Variants in SMC2 observed in about 807,000 individuals in gnomAD.
The protein encoded by SMC2 is structural maintenance of chromosomes 2.
SMC2 carries 41 observed loss-of-function variants against 142.6 expected under a neutral mutation model. That is an observed-to-expected ratio of 0.29 (90% CI 0.22 to 0.37). The LOEUF is 0.37. Ranked by LOEUF, SMC2 falls within the 10% of genes least tolerant of loss-of-function variation. The pLI, the probability that SMC2 is intolerant of heterozygous loss-of-function variation, is 1.00. For synonymous variants in SMC2, 463 were observed against 457.5 expected (o/e 1.01, Z -0.15); for missense variants, 1,265 against 1,373.7 (o/e 0.92, Z 1.25).
At position 104,141,221 on chromosome 9, in the gene SMC2, C is replaced by T. The variant is rs1814199267; in HGVS notation, c.*1906C>T. The T allele has an allele frequency of 6.6e-6, 1 of 152,136 alleles. No homozygotes were observed. Among genetic ancestry groups the T allele is most frequent in the East Asian group, 1.9e-4 (1 of 5,176 alleles). The allele number at this position is 152,136 out of a possible 1,614,324, so 9.4% of individuals were successfully genotyped here. A position where few individuals can be genotyped will look rare whatever the true frequency, so the allele number is the denominator to read the frequency against. On this transcript the variant is annotated 3_prime_UTR_variant, in exon 25 of 25. Transcript: ENST00000374793. The stretch of plus-strand genomic sequence containing the variant: ...TCAGAGTAACCTAGTGAGGTAAATA[C>T]TGTTGTTGTCAGCATGGTGTAATCG...
intron 2 of SMC2, among the ~76,000 whole-genome samples, chr9:104,095,865 C>CT (rs554180260): frequency 1.2e-4 from 18 of 152,308 alleles, no homozygotes; most frequent in African/African-American, 3.4e-4. Context: ...TAGTGAAAAT[C>CT]TTTGGGACAG....
intron 23 of SMC2, among the ~76,000 whole-genome samples, chr9:104,135,605 A>T (rs192224393): frequency 6.6e-6 from 1 of 152,330 alleles, no homozygotes; most frequent in African/African-American, 2.4e-5. Context: ...CAGGATAAAC[A>T]GAAACACATA....
upstream of SMC2, chr9:104,092,291 C>T (rs932340071): frequency 2.0e-5 from 3 of 152,136 alleles, no homozygotes; most frequent in Admixed American, 2.0e-4. Flanking sequence ...TTCTAACCAC[C>T]CAGGAGTCCT....
chr9:104,089,287 T>A (rs1829959487), upstream of SMC2, among the ~76,000 whole-genome samples: 1 of 152,134 alleles, frequency 6.6e-6, no homozygotes, highest in Non-Finnish European at 1.5e-5. Flanking sequence ...AGATGTTAAC[T>A]GCAGAAGCAA....
chr9:104,111,834 C>T lies in SMC2; in HGVS notation c.1254+20C>T, dbSNP rs1832484401. 5 of 1,513,998 alleles carry T rather than the reference C, an allele frequency of 3.3e-6. No individual in the cohort carries two copies. The highest frequency in any genetic ancestry group is 4.5e-6 in the Non-Finnish European group (5 of 1,109,726). The allele number at this position is 1,513,998 out of a possible 1,614,324, so 93.8% of individuals were successfully genotyped here. A position where few individuals can be genotyped will look rare whatever the true frequency, so the allele number is the denominator to read the frequency against. ...AAACAGGTAAATAGAGACATTAGCA[C>T]TATGTGATTGCTTTTTTTTCCAAGA... On this transcript the variant is annotated intron_variant, in intron 10 of 24. Coordinates refer to ENST00000374793, the MANE Select transcript of SMC2 (RefSeq NM_006444.3).
In SMC2 at chr9:104,113,363, A is replaced by G. The variant is rs368187661; in HGVS notation, c.1302A>G (p.Gln434=). 3.0e-5 allele frequency: 48 copies of G among 1,611,980 alleles called. No individual in the cohort carries two copies. Among genetic ancestry groups the G allele is most frequent in the Non-Finnish European group, 3.0e-5 (35 of 1,179,018 alleles). ...KHAQQELKNK[Q]AEVKKMDSGY... ...CTCAACAGGAATTAAAGAATAAACAAGCTGAAGTTAAGAAGATGGATAGTG... is the reference window on the plus strand; with the variant it reads ...CTCAACAGGAATTAAAGAATAAACAGGCTGAAGTTAAGAAGATGGATAGTG... Residue 434 remains glutamine (Q), a synonymous_variant, in exon 11 of 25, where the codon CAA becomes CAG. Transcript: ENST00000374793.
chr9:104,104,311 A>T (rs1294673097), intron 9 of SMC2, among the ~76,000 whole-genome samples: 2 of 152,192 alleles, frequency 1.3e-5, no homozygotes, highest in East Asian at 1.9e-4. Context: ...TGTGAAATGG[A>T]TTTATTACTT....
chr9:104,113,926 T>G (rs751145774), intron 11 of SMC2, 38 bp from the exon 12 acceptor site: 1 of 1,327,724 alleles, frequency 7.5e-7, no homozygotes, highest in Non-Finnish European at 1.0e-6. Flanking sequence ...AGTGAGCTTT[T>G]AAAACTTGGT....
intron 19 of SMC2, among the ~76,000 whole-genome samples, chr9:104,127,004 C>G (rs1834375088): frequency 6.6e-6 from 1 of 151,312 alleles, no homozygotes; most frequent in African/African-American, 2.5e-5. Flanking sequence ...TTGATTCCAT[C>G]TACATTACAT....
intron 22 of SMC2, among the ~76,000 whole-genome samples, chr9:104,133,385 G>A (rs558608215): frequency 1.3e-5 from 2 of 152,238 alleles, no homozygotes; most frequent in African/African-American, 4.8e-5. Flanking sequence ...TTATTCAGCA[G>A]CCATGTACTT....
intron 19 of SMC2, among the ~76,000 whole-genome samples, chr9:104,126,996 G>GT (rs1834373072): frequency 6.6e-6 from 1 of 151,822 alleles, no homozygotes; most frequent in African/African-American, 2.4e-5. Context: ...TCACTTAGTT[G>GT]ATTCCATCTA....
intron 22 of SMC2, 114 bp downstream of exon 22, chr9:104,132,239 T>C: frequency 3.1e-6 from 2 of 646,718 alleles, no homozygotes; most frequent in African/African-American, 1.9e-5. Flanking sequence ...GAGGCACATA[T>C]TCACACCTTA....
chr9:104,094,235 A>T, upstream of SMC2: 1 of 397,310 alleles, frequency 2.5e-6, no homozygotes, highest in Non-Finnish European at 4.4e-6. Flanking sequence ...TTGAACCCTA[A>T]AGACAGGCAG....
At chr9:104,095,599 A>T in intron 2 of SMC2, 47 bp downstream of exon 2, 1 of 1,481,506 alleles carries the variant, frequency 6.7e-7, no homozygotes. Context: ...TTGGCAGGAG[A>T]ATCCTCACTG....
chr9:104,102,439 C>A lies in SMC2; in HGVS notation c.886C>A (p.Leu296Ile), dbSNP rs1305283350. 1.9e-6 allele frequency: 3 copies of A among 1,607,998 alleles called. No homozygotes were observed. The African/African-American group carries it at 4.0e-5, about 22-fold the overall frequency. The change falls in exon 9 of 25, where the codon CTT becomes ATT. Residue 296 changes from leucine to isoleucine, a missense_variant. Around this residue, in one of 4 missense-constraint regions of SMC2, gnomAD observed 898 missense variants for 904.2 expected, o/e 0.99. Transcript: ENST00000374793. ...KRKDKETGGI[L>I]RSLEDALAEA... is the part of the protein sequence containing the mutation. ...TTTGTTATAGGAAACTGGAGGTATA[C>A]TTCGATCTTTAGAAGATGCTCTTGC... is the stretch of plus-strand genomic sequence containing the variant.
intron 16 of SMC2, among the ~76,000 whole-genome samples, chr9:104,122,547 T>TG (rs1833851203): frequency 6.6e-6 from 1 of 151,846 alleles, no homozygotes; most frequent in Non-Finnish European, 1.5e-5. Flanking sequence ...GAAATTTCAC[T>TG]GCAACTGAAT....
chr9:104,130,715 T>G (rs1434582549), intron 21 of SMC2, among the ~76,000 whole-genome samples: 3 of 152,160 alleles, frequency 2.0e-5, no homozygotes, highest in African/African-American at 7.2e-5. Context: ...CATTTCTACA[T>G]TAAAGCTTTG....
chr9:104,118,102 G>A, intron 14 of SMC2, 69 bp from the exon 15 acceptor site: 1 of 1,251,654 alleles, frequency 8.0e-7, no homozygotes. Flanking sequence ...GTTTTTACTG[G>A]TTTATAAAAT....
Position 104,114,087 on chromosome 9 carries a change from A to G in SMC2, c.1532+6A>G. On this transcript the variant is annotated splice_donor_region_variant and intron_variant, in intron 12 of 24. Coordinates refer to ENST00000374793, the MANE Select transcript of SMC2 (RefSeq NM_006444.3). ...AATCTTCGATTTGCATACAAGTAAG[A>G]GACTTAAGCCTTGAATTTTAACATA... is the stretch of plus-strand genomic sequence containing the variant. The G allele has an allele frequency of 7.1e-7, 1 of 1,409,388 alleles. No individual in the cohort carries two copies. The highest frequency in any genetic ancestry group is 9.8e-7 in the Non-Finnish European group (1 of 1,018,752). The allele number at this position is 1,409,388 out of a possible 1,614,324, so 87.3% of individuals were successfully genotyped here.
Sources: allele counts gnomAD v4.1 joint callset (sites outside exome capture counted in the v4.1 genomes callset), GRCh38; gene constraint gnomAD v4.1.1; regional missense constraint gnomAD v4.1.1; transcripts MANE v1.5; gene names NCBI Gene and HGNC (gene_info 2026-07-23, HGNC 2026-07-21).